CCNT2: variants seen among roughly 807,000 people sequenced by gnomAD.
The protein encoded by CCNT2 is cyclin T2.
In CCNT2, 18 loss-of-function variants were observed where a neutral mutation model predicts 70.0. The observed-to-expected ratio is 0.26, with a 90% confidence interval of 0.18 to 0.38. CCNT2 has a LOEUF of 0.38. CCNT2 is among the 10% of genes least tolerant of loss of function. The pLI is 1.00. For synonymous variants in CCNT2, 334 were observed against 313.3 expected (o/e 1.07, Z -0.70); for missense variants, 734 against 890.2 (o/e 0.82, Z 2.23).
rs3841862 is a variant in CCNT2 at position 134,919,901 on chromosome 2, A to AGTTT, written c.240+13_240+14insTGTT. The AGTTT allele has an allele frequency of 0.27, 425,684 of 1,586,822 alleles. 66,948 individuals carry two copies. The highest frequency in any genetic ancestry group is 0.65 in the Middle Eastern group (3,848 of 5,920). On this transcript the variant is annotated intron_variant, in intron 2 of 8. Coordinates refer to ENST00000264157, the MANE Select transcript of CCNT2 (RefSeq NM_058241.3). ...CAAATTCAACAAAAATGTAAGTACT[A>AGTTT]GTTGTCTGTTTTTACTGTCCGCAAA...
rs114873037 is a variant in CCNT2 at position 134,931,802 on chromosome 2, G to T, written c.241-5039G>T. On this transcript the variant is annotated intron_variant, in intron 2 of 8. Transcript: ENST00000264157. ...TTTTTAAGAGAAGGGATCTCACTCT[G>T]TTGCTCAGGCTAGCCTCAAACCCAT... Among the ~76,000 whole-genome samples the T allele has an allele frequency of 2.4e-3, 366 of 152,148 alleles. 1 individual carries two copies. The highest frequency in any genetic ancestry group is 8.3e-3 in the African/African-American group (345 of 41,516).
chr2:134,944,621 A>G (rs1681814340), intron 5 of CCNT2: 1 of 979,954 alleles, frequency 1.0e-6, no homozygotes. Context: ...TGTTGTTGTT[A>G]ATGTTAAAAT....
intron 2 of CCNT2, 146 bp downstream of exon 2, chr2:134,920,037 C>A: frequency 1.8e-6 from 1 of 542,142 alleles, no homozygotes. Context: ...GCTTCAGATG[C>A]GGTGTTTTTG....
Position 134,946,096 on chromosome 2 carries a change from TACAG to T in CCNT2, c.494-4_494-1del. 2 of 1,612,116 alleles carry T rather than the reference TACAG, an allele frequency of 1.2e-6. No individual in the cohort carries two copies. The highest frequency in any genetic ancestry group is 1.7e-6 in the Non-Finnish European group (2 of 1,179,792). On this transcript the variant is annotated splice_acceptor_variant and splice_polypyrimidine_tract_variant and intron_variant, in intron 5 of 8. Coordinates refer to ENST00000264157, the MANE Select transcript of CCNT2 (RefSeq NM_058241.3). LOFTEE classifies it high-confidence loss of function. ...ATTGTCTTCGTTTTTTTTTTTTTCT[TACAG>T]CAAGCAAGGATTTGGCACAGACATC...
chr2:134,953,357 TTCAGAA>T lies in CCNT2; in HGVS notation c.903_908del (p.Phe301_Lys303delinsLeu). On this transcript the variant is annotated inframe_deletion, in exon 9 of 9. Coordinates refer to ENST00000264157, the MANE Select transcript of CCNT2 (RefSeq NM_058241.3). ...ACTGGTGTGCCTACAAACCCAAGTT[TTCAGAA>T]ACCATCTACATCAGCATTCCCTGCG... The T allele has an allele frequency of 6.2e-7, 1 of 1,605,082 alleles. No homozygotes were observed. The highest frequency in any genetic ancestry group is 1.7e-5 in the Admixed American group (1 of 58,790).
chr2:134,928,520 C>T (rs1448786800), intron 2 of CCNT2, among the ~76,000 whole-genome samples: 2 of 151,952 alleles, frequency 1.3e-5, no homozygotes, highest in South Asian at 2.1e-4. Flanking sequence ...TCAGGTGATC[C>T]GCCCGCCTCA....
intron 2 of CCNT2, among the ~76,000 whole-genome samples, chr2:134,933,301 A>C (rs1680917026): frequency 6.6e-6 from 1 of 152,256 alleles, no homozygotes; most frequent in Admixed American, 6.5e-5. Context: ...TAAGAGAATA[A>C]GGACTAGAAT....
chr2:134,940,732 T>C (rs1681521131), intron 4 of CCNT2, among the ~76,000 whole-genome samples: 1 of 152,172 alleles, frequency 6.6e-6, no homozygotes. Flanking sequence ...CTGGCATATT[T>C]TTACCGTATT....
intron 3 of CCNT2, 52 bp from the exon 4 acceptor site, chr2:134,938,950 C>T: frequency 1.8e-6 from 2 of 1,128,622 alleles, no homozygotes; most frequent in Non-Finnish European, 2.7e-6. Flanking sequence ...GTCATGCAGT[C>T]TAGTAATGTT....
intron 7 of CCNT2, among the ~76,000 whole-genome samples, chr2:134,950,940 G>C (rs192220760): frequency 1.2e-4 from 19 of 152,244 alleles, no homozygotes; most frequent in Admixed American, 1.0e-3. Flanking sequence ...TTTTGGACCA[G>C]AACTTGAAGT....
rs760816765 is a variant in CCNT2, at chr2:134,918,822, G to T, written c.-33G>T. 1.3e-6 allele frequency: 2 copies of T among 1,598,850 alleles called. No individual in the cohort carries two copies. Among genetic ancestry groups the T allele is most frequent in the Non-Finnish European group, 1.7e-6 (2 of 1,170,334 alleles). ...GTCCGCGAGCCAGGAGGGGCGGGGG[G>T]TGAATGAAGGAGCGGGCGGAGGAGG... On this transcript the variant is annotated 5_prime_UTR_variant, in exon 1 of 9. Coordinates refer to ENST00000264157, the MANE Select transcript of CCNT2 (RefSeq NM_058241.3).
chr2:134,939,834 C>T (rs1299539500), intron 4 of CCNT2, among the ~76,000 whole-genome samples: 2 of 152,172 alleles, frequency 1.3e-5, no homozygotes, highest in Admixed American at 6.6e-5. Flanking sequence ...AAGGTTATAT[C>T]TTTGTATGCA....
At position 134,957,657 on chromosome 2, in the gene CCNT2, T is replaced by A. The variant is rs1683005923; in HGVS notation, c.*3009T>A. 1 of 152,186 alleles carries A rather than the reference T, an allele frequency of 6.6e-6. No individual in the cohort carries two copies. Among genetic ancestry groups the A allele is most frequent in the African/African-American group, 2.4e-5 (1 of 41,440 alleles). The allele number at this position is 152,186 out of a possible 1,614,324, so 9.4% of individuals were successfully genotyped here. On this transcript the variant is annotated 3_prime_UTR_variant, in exon 9 of 9. Transcript: ENST00000264157. ...AACGGGCGGCAGTATCCGGTAGTGGTAAAACCTCACAGTTTCCTAATTGCA... is the reference window on the plus strand; with the variant it reads ...AACGGGCGGCAGTATCCGGTAGTGGAAAAACCTCACAGTTTCCTAATTGCA...
intron 2 of CCNT2, among the ~76,000 whole-genome samples, chr2:134,920,732 T>C (rs1679837787): frequency 1.3e-5 from 2 of 152,340 alleles, no homozygotes; most frequent in African/African-American, 4.8e-5. Context: ...TAGAATATTA[T>C]TCTGAAAGGT....
At chr2:134,919,728 A>G in intron 1 of CCNT2, 82 bp from the exon 2 acceptor site, 1 of 1,119,076 alleles carries the variant, frequency 8.9e-7, no homozygotes, top group Non-Finnish European at 1.3e-6. Context: ...GTATTGGAAA[A>G]GAACCTGGGA....
intron 7 of CCNT2, among the ~76,000 whole-genome samples, chr2:134,951,589 C>G (rs537467636): frequency 3.6e-4 from 55 of 152,230 alleles, no homozygotes; most frequent in African/African-American, 1.3e-3. Flanking sequence ...ACCTGTAATT[C>G]CAGCACTTTG....
rs977028422 is a variant in CCNT2, at chr2:134,958,807, C to T, written c.*4159C>T. 1 of 152,170 alleles carries T rather than the reference C, an allele frequency of 6.6e-6. No individual in the cohort carries two copies. Among genetic ancestry groups the T allele is most frequent in the African/African-American group, 2.4e-5 (1 of 41,430 alleles). 9.4% of individuals were successfully genotyped at this position (152,170 alleles called of 1,614,324 possible). ...CAATTTGGGCACAGCCAGTTTTTAC[C>T]TCTGTGGCACCTTCTTTATAATTTA... On this transcript the variant is annotated 3_prime_UTR_variant, in exon 9 of 9. Transcript: ENST00000264157.
At chr2:134,920,108 TA>T in intron 2 of CCNT2, 2 of 421,458 alleles carry the variant, frequency 4.7e-6, no homozygotes, top group Non-Finnish European at 8.5e-6. Flanking sequence ...CCAGGCCTTT[TA>T]AGCTAAAAAA....
At position 134,958,155 on chromosome 2, in the gene CCNT2, A is replaced by G. The variant is rs754572481; in HGVS notation, c.*3507A>G. ...CATGAGTACAGTTAGTTGATTAGAT[A>G]TTTCAGGGTTTTGCATTTTCTATAG... On this transcript the variant is annotated 3_prime_UTR_variant, in exon 9 of 9. Coordinates refer to ENST00000264157, the MANE Select transcript of CCNT2 (RefSeq NM_058241.3). 11 of 152,222 alleles carry G rather than the reference A, an allele frequency of 7.2e-5. No homozygotes were observed. 9.4% of individuals were successfully genotyped at this position (152,222 alleles called of 1,614,324 possible). A position where few individuals can be genotyped will look rare whatever the true frequency, so the allele number is the denominator to read the frequency against.
Sources: allele counts gnomAD v4.1 joint callset (sites outside exome capture counted in the v4.1 genomes callset), GRCh38; gene constraint gnomAD v4.1.1; transcripts MANE v1.5; gene names NCBI Gene and HGNC (gene_info 2026-07-23, HGNC 2026-07-21).